The following DYNC2I1 variants were observed in gnomAD, a reference collection of about 807,000 sequenced individuals.
The protein encoded by DYNC2I1 is cytoplasmic dynein 2 intermediate chain 1.
A neutral mutation model predicts 133.4 loss-of-function variants in DYNC2I1; 89 were observed. The observed-to-expected ratio is 0.67, with a 90% confidence interval of 0.56 to 0.80. DYNC2I1 has a LOEUF of 0.80. Ranked by LOEUF, DYNC2I1 falls within the 30% of genes least tolerant of loss-of-function variation. The pLI is 0.00. For missense variants in DYNC2I1, 1,291 were observed against 1,314.5 expected (o/e 0.98, Z 0.28); for synonymous variants, 504 against 484.3 (o/e 1.04, Z -0.54).
intron 4 of DYNC2I1, among the ~76,000 whole-genome samples, chr7:158,955,950 G>A (rs1330132268): frequency 6.6e-6 from 1 of 152,210 alleles, no homozygotes; most frequent in East Asian, 1.9e-4. Flanking sequence ...TGGCAGGTAT[G>A]GCGGAACCTC....
chr7:158,892,232 T>C (rs1047534060), intron 8 of DYNC2I1, among the ~76,000 whole-genome samples: 1 of 152,216 alleles, frequency 6.6e-6, no homozygotes, highest in Non-Finnish European at 1.5e-5. Context: ...TGCTGAGTTG[T>C]ACGAGAATAA....
intron 11 of DYNC2I1, among the ~76,000 whole-genome samples, chr7:158,910,877 A>G (rs1847380594): frequency 6.8e-6 from 1 of 147,988 alleles, no homozygotes; most frequent in Non-Finnish European, 1.5e-5. Flanking sequence ...TGGCTGTGTC[A>G]GGCCTGTGAG....
intron 5 of DYNC2I1, among the ~76,000 whole-genome samples, chr7:158,882,632 G>A (rs1348867474): frequency 6.6e-6 from 1 of 152,118 alleles, no homozygotes; most frequent in Non-Finnish European, 1.5e-5. Flanking sequence ...TAGCACTTTG[G>A]GAGGCCGAGA....
At chr7:158,869,593 T>G (rs1842703461) in intron 1 of DYNC2I1, 4 of 516,032 alleles carry the variant, frequency 7.8e-6, no homozygotes, top group Non-Finnish European at 3.7e-6. Context: ...CTGTTATAAC[T>G]TGTTTTCACT....
rs1191743611 is a variant in DYNC2I1 at position 158,911,619 on chromosome 7, A to G, written c.1530A>G (p.Leu510=). Residue 510 remains leucine, a synonymous_variant, in exon 12 of 25, where the codon CTA becomes CTG. Transcript: ENST00000407559. ...CATTTACTTTCTCTCTCTTGGATCT[A>G]CCACCAGTAAATGAATATGACATGT... The part of the protein sequence containing the change: ...DFSFTFSLLD[L]PPVNEYDMYI... The G allele has an allele frequency of 6.2e-7, 1 of 1,613,612 alleles. No homozygotes were observed. Among genetic ancestry groups the G allele is most frequent in the Non-Finnish European group, 8.5e-7 (1 of 1,179,742 alleles).
At chr7:158,882,585 A>G (rs1285470365) in intron 5 of DYNC2I1, among the ~76,000 whole-genome samples, 1 of 152,246 alleles carries the variant, frequency 6.6e-6, no homozygotes, top group Admixed American at 6.5e-5. Context: ...CTTGTCTTAA[A>G]AAAGAGACCA....
intron 16 of DYNC2I1, 127 bp downstream of exon 16, chr7:158,922,676 A>C: frequency 1.1e-6 from 1 of 893,024 alleles, no homozygotes; most frequent in Non-Finnish European, 1.7e-6. Flanking sequence ...CTTATGGGCC[A>C]TTCTCTGTCT....
At chr7:158,924,865 C>T (rs1849461804) in intron 17 of DYNC2I1, among the ~76,000 whole-genome samples, 1 of 152,092 alleles carries the variant, frequency 6.6e-6, no homozygotes, top group African/African-American at 2.4e-5. Context: ...AGTGATTCTC[C>T]TGCTTCAGAC....
intron 24 of DYNC2I1, among the ~76,000 whole-genome samples, chr7:158,943,627 C>T (rs1409063458): frequency 6.6e-6 from 1 of 152,228 alleles, no homozygotes; most frequent in East Asian, 1.9e-4. Flanking sequence ...TGGCGGGGAC[C>T]GGAGGGTCTG....
In DYNC2I1 at chr7:158,911,638, G is replaced by C; in HGVS notation, c.1549G>C (p.Asp517His). 1 of 1,613,010 alleles carries C rather than the reference G, an allele frequency of 6.2e-7. No individual in the cohort carries two copies. The highest frequency in any genetic ancestry group is 8.5e-7 in the Non-Finnish European group (1 of 1,179,614). ...GGATCTACCACCAGTAAATGAATATGACATGTATATCAGAAACTTTGGGAA... is the reference window on the plus strand; with the variant it reads ...GGATCTACCACCAGTAAATGAATATCACATGTATATCAGAAACTTTGGGAA... ...LLDLPPVNEY[D>H]MYIRNFGKKN... The change falls in exon 12 of 25, where the codon GAC (aspartate) becomes CAC (histidine). Residue 517 changes from aspartate to histidine, a missense_variant. Asp to His is a moderately conservative substitution (Grantham distance 81, BLOSUM62 -1). Coordinates refer to ENST00000407559, the MANE Select transcript of DYNC2I1 (RefSeq NM_018051.5).
intron 14 of DYNC2I1, among the ~76,000 whole-genome samples, chr7:158,915,274 C>CA (rs1847955528): frequency 1.3e-5 from 2 of 152,006 alleles, no homozygotes; most frequent in Non-Finnish European, 2.9e-5. Context: ...GAAACCTCGA[C>CA]ACGGTGGTTG....
At chr7:158,949,132 A>G (rs183221979), downstream of DYNC2I1, among the ~76,000 whole-genome samples, 247 of 152,194 alleles carry the variant, frequency 1.6e-3, no homozygotes, top group African/African-American at 5.7e-3. Flanking sequence ...CCACCGTCCA[A>G]CAGCACCTCT....
Position 158,934,513 on chromosome 7 carries a change from C to G in DYNC2I1, c.2742C>G (p.Val914=). 1 of 1,560,718 alleles carries G rather than the reference C, an allele frequency of 6.4e-7. No individual in the cohort carries two copies. Among genetic ancestry groups the G allele is most frequent in the African/African-American group, 1.4e-5 (1 of 73,628 alleles). The change falls in exon 23 of 25, where the codon GTC becomes GTG. Residue 914 remains valine (V), a synonymous_variant. Transcript: ENST00000407559. ...QHGIRPVKVN[V]IDFSPFGEPI... is the part of the protein sequence containing the mutation. ...GTATAAGACCAGTGAAAGTTAATGT[C>G]ATTGATTTTTCACCATTTGGAGAAC...
rs1017678902 is a variant in DYNC2I1, at chr7:158,891,406, C to G, written c.1059+73C>G. 4.5e-5 allele frequency: 70 copies of G among 1,553,716 alleles called. 1 individual carries two copies. Among genetic ancestry groups the G allele is most frequent in the Non-Finnish European group, 5.3e-6 (6 of 1,125,702 alleles). On this transcript the variant is annotated intron_variant, in intron 8 of 24. Coordinates refer to ENST00000407559, the MANE Select transcript of DYNC2I1 (RefSeq NM_018051.5). ...GACCCACTCACATTTGCTTGCTTTC[C>G]TGTCAGCATTTTGCTAGTGCAATTA...
At chr7:158,843,291 G>C in the DYNC2I1 span, among the ~76,000 whole-genome samples, 4 of 151,786 alleles carry the variant, frequency 2.6e-5, no homozygotes, top group Non-Finnish European at 5.9e-5. Flanking sequence ...ATGGAGTTTC[G>C]CTCTTGTTGC....
intron 20 of DYNC2I1, 55 bp from the exon 21 acceptor site, chr7:158,930,400 A>T: frequency 6.8e-7 from 1 of 1,472,666 alleles, no homozygotes; most frequent in Middle Eastern, 1.7e-4. Context: ...CTATAACTAG[A>T]TTTTGATTTA....
chr7:158,949,468 C>T (rs530611359), downstream of DYNC2I1, among the ~76,000 whole-genome samples: 1 of 152,360 alleles, frequency 6.6e-6, no homozygotes, highest in South Asian at 2.1e-4. Context: ...TGTCCCCACT[C>T]CAGTGTGTAG....
upstream of DYNC2I1, chr7:158,856,529 T>TAA (rs145049056): frequency 2.5e-5 from 11 of 445,116 alleles, no homozygotes; most frequent in African/African-American, 2.0e-4. Context: ...TGCCAGGTGC[T>TAA]AAAAATGCCG....
intron 8 of DYNC2I1, among the ~76,000 whole-genome samples, chr7:158,896,880 T>C (rs918127749): frequency 6.8e-6 from 1 of 147,494 alleles, no homozygotes; most frequent in Non-Finnish European, 1.5e-5. Flanking sequence ...TTTTTTTTTT[T>C]CTTGTAATAT....
Sources: gnomAD v4.1 joint callset for allele counts (sites outside exome capture counted in the v4.1 genomes callset) on GRCh38, gnomAD v4.1.1 for gene constraint, MANE v1.5 for transcripts, NCBI Gene and HGNC (gene_info 2026-07-23, HGNC 2026-07-21) for gene names.